Variants in ADAMTSL1 observed in about 807,000 individuals in gnomAD.
ADAMTSL1 encodes ADAMTS-like protein 1.
Under a neutral mutation model 201.8 loss-of-function variants are expected in ADAMTSL1, and 126 were observed. The observed-to-expected ratio is 0.62, with a 90% confidence interval of 0.54 to 0.72. The LOEUF (loss-of-function observed/expected upper bound fraction) is 0.72, where lower values mean the gene tolerates loss of function less well. Ranked by LOEUF, ADAMTSL1 falls within the 30% of genes least tolerant of loss-of-function variation. ADAMTSL1 has a pLI of 0.00. For synonymous variants in ADAMTSL1, 1,121 were observed against 903.4 expected, an observed-to-expected ratio of 1.24 and a Z score of -4.32; for missense variants, 2,679 against 2,277.8, an observed-to-expected ratio of 1.18 and a Z score of -3.59.
chr9:18,587,420 G>C (rs1271402365), intron 4 of ADAMTSL1, among the ~76,000 whole-genome samples: 1 of 152,106 alleles, frequency 6.6e-6, no homozygotes, highest in Non-Finnish European at 1.5e-5. Flanking sequence ...GGTATACAAG[G>C]TGTGAAGACC....
chr9:18,646,321 C>T (rs1827809807), intron 7 of ADAMTSL1, among the ~76,000 whole-genome samples: 3 of 152,290 alleles, frequency 2.0e-5, no homozygotes, highest in South Asian at 2.1e-4. Flanking sequence ...GATATACAAT[C>T]ATGTCATCTT....
At chr9:18,893,617 G>C (rs1040113718) in intron 26 of ADAMTSL1, among the ~76,000 whole-genome samples, 5 of 151,980 alleles carry the variant, frequency 3.3e-5, no homozygotes, top group African/African-American at 9.7e-5. Flanking sequence ...CTAGTCCAAG[G>C]GCTACGCTTG....
At chr9:18,836,510 A>C (rs1325359617) in intron 23 of ADAMTSL1, among the ~76,000 whole-genome samples, 3 of 152,082 alleles carry the variant, frequency 2.0e-5, no homozygotes, top group Non-Finnish European at 4.4e-5. Flanking sequence ...GCCCTGTAGT[A>C]TAGTTTGAAG....
intron 2 of ADAMTSL1, among the ~76,000 whole-genome samples, chr9:18,424,098 A>C (rs549132059): frequency 1.3e-5 from 2 of 152,342 alleles, no homozygotes; most frequent in African/African-American, 4.8e-5. Flanking sequence ...GTATCTCTGA[A>C]TGTCTTCTAA....
At chr9:18,105,756 T>C (rs990686358) in intron 1 of ADAMTSL1, among the ~76,000 whole-genome samples, 1 of 152,250 alleles carries the variant, frequency 6.6e-6, no homozygotes, top group Admixed American at 6.5e-5. Context: ...GACATACTTC[T>C]ATTTAACTTA....
chr9:18,554,433 G>T (rs1181788903), intron 3 of ADAMTSL1, among the ~76,000 whole-genome samples: 1 of 151,706 alleles, frequency 6.6e-6, no homozygotes, highest in Non-Finnish European at 1.5e-5. Flanking sequence ...TTTACGATGT[G>T]TACTTCCTGG....
At position 17,980,796 on chromosome 9, in the gene ADAMTSL1, G is replaced by C. The variant is rs114280892; in HGVS notation, c.87+73874G>C. On this transcript the variant is annotated intron_variant, in intron 1 of 29. Transcript: ENST00000680146. ...GTATATAAAGAAAATACATTTATTTGGCTTACAGTTCTGCAGGCTGTATAA... is the reference window on the plus strand; with the variant it reads ...GTATATAAAGAAAATACATTTATTTCGCTTACAGTTCTGCAGGCTGTATAA... 9.0e-3 allele frequency among the ~76,000 whole-genome samples: 1,363 copies of C among 152,186 alleles called. 17 individuals carry two copies. The highest frequency in any genetic ancestry group is 0.031 in the African/African-American group (1,300 of 41,520).
chr9:17,926,229 T>C (rs1311570218), intron 1 of ADAMTSL1, among the ~76,000 whole-genome samples: 2 of 152,188 alleles, frequency 1.3e-5, no homozygotes, highest in Non-Finnish European at 2.9e-5. Context: ...TAAAGGTTGT[T>C]TATTATTAAA....
At chr9:18,804,512 A>G (rs939280006) in intron 20 of ADAMTSL1, among the ~76,000 whole-genome samples, 7 of 152,202 alleles carry the variant, frequency 4.6e-5, no homozygotes, top group Non-Finnish European at 8.8e-5. Context: ...TGTTAATATA[A>G]CTATTATTTG....
At position 18,574,533 on chromosome 9, in the gene ADAMTSL1, A is replaced by C. The variant is rs1587610672; in HGVS notation, c.474+267A>C. On this transcript the variant is annotated intron_variant, in intron 4 of 28. Transcript: ENST00000380548. ...AAAAATTTTTGAATAGTGTTTATCA[A>C]TTATGTACTAGACTTTGAAATTATC... The C allele has an allele frequency of 8.7e-6, 5 of 576,048 alleles. No homozygotes were observed. In the East Asian group the frequency reaches 1.4e-4, roughly 16 times the overall value. 35.7% of individuals were successfully genotyped at this position (576,048 alleles called of 1,614,324 possible).
intron 2 of ADAMTSL1, among the ~76,000 whole-genome samples, chr9:18,356,846 C>T (rs781225506): frequency 1.2e-4 from 19 of 152,260 alleles, no homozygotes; most frequent in Non-Finnish European, 1.2e-4. Flanking sequence ...AATTCATGTT[C>T]TAAGAAGCAG....
chr9:18,741,040 C>A (rs1383387501), intron 15 of ADAMTSL1, among the ~76,000 whole-genome samples: 1 of 152,120 alleles, frequency 6.6e-6, no homozygotes, highest in Non-Finnish European at 1.5e-5. Flanking sequence ...AGACTAGACT[C>A]TGTGCCCCAA....
At chr9:18,784,962 G>A (rs1272603578) in intron 19 of ADAMTSL1, among the ~76,000 whole-genome samples, 4 of 152,136 alleles carry the variant, frequency 2.6e-5, no homozygotes, top group Non-Finnish European at 4.4e-5. Flanking sequence ...TCAAGAGATC[G>A]AGACCATCCT....
chr9:18,025,718 T>A (rs970154984), intron 1 of ADAMTSL1, among the ~76,000 whole-genome samples: 5 of 152,088 alleles, frequency 3.3e-5, no homozygotes, highest in African/African-American at 1.2e-4. Flanking sequence ...TTGCTTAGGA[T>A]TGGTTTGGGT....
At position 18,776,809 on chromosome 9, in the gene ADAMTSL1, C is replaced by A; in HGVS notation, c.2580C>A (p.Ser860Arg). ...CCGGGCGGCCATCCACGAAGCACAGCCCGCACATCGCGGCCGCCAGGAAGG... is the reference window on the plus strand; with the variant it reads ...CCGGGCGGCCATCCACGAAGCACAGACCGCACATCGCGGCCGCCAGGAAGG... ...ARPGRPSTKH[S>R]PHIAAARKVY... The change falls in exon 19 of 29, where the codon AGC (serine) becomes AGA (arginine). Residue 860 changes from serine to arginine, a missense_variant. Transcript: ENST00000380548. 1 of 1,562,154 alleles carries A rather than the reference C, an allele frequency of 6.4e-7. No homozygotes were observed. Among genetic ancestry groups the A allele is most frequent in the Non-Finnish European group, 8.7e-7 (1 of 1,153,964 alleles).
intron 2 of ADAMTSL1, among the ~76,000 whole-genome samples, chr9:18,421,236 T>A (rs1181248095): frequency 6.6e-6 from 1 of 152,198 alleles, no homozygotes; most frequent in Non-Finnish European, 1.5e-5. Flanking sequence ...TACTTCCATA[T>A]AAAAGTAATA....
intron 17 of ADAMTSL1, among the ~76,000 whole-genome samples, chr9:18,773,332 C>A: frequency 6.6e-6 from 1 of 152,206 alleles, no homozygotes; most frequent in South Asian, 2.1e-4. Context: ...AACCCTCAAT[C>A]TCCTGAAAGA....
At chr9:18,281,356 C>T (rs1363509442) in intron 2 of ADAMTSL1, among the ~76,000 whole-genome samples, 1 of 152,098 alleles carries the variant, frequency 6.6e-6, no homozygotes, top group African/African-American at 2.4e-5. Flanking sequence ...GCTCCAGAGT[C>T]AGACACCGCA....
chr9:18,874,690 G>C (rs143914896), intron 23 of ADAMTSL1, among the ~76,000 whole-genome samples: 121 of 152,228 alleles, frequency 7.9e-4, no homozygotes, highest in African/African-American at 2.8e-3. Context: ...GTATTTTGTT[G>C]AGGATTTTTA....
Sources: allele counts gnomAD v4.1 joint callset (sites outside exome capture counted in the v4.1 genomes callset), GRCh38; gene constraint gnomAD v4.1.1; transcripts MANE v1.5; gene names NCBI Gene and HGNC (gene_info 2026-07-23, HGNC 2026-07-21).